The following TLN2 variants were observed in gnomAD, a reference collection of about 807,000 sequenced individuals.
TLN2 encodes the protein talin-2.
TLN2 carries 118 observed loss-of-function variants against 294.7 expected under a neutral mutation model. That is an observed-to-expected ratio of 0.40 (90% confidence interval 0.34 to 0.47). TLN2 has a LOEUF of 0.47. Among genes scored for constraint, TLN2 ranks in the 20% least tolerant of loss-of-function variants. The pLI is 0.84. For missense variants in TLN2, 3,083 were observed against 3,282.2 expected (o/e 0.94, Z 1.48); for synonymous variants, 1,431 against 1,304.5 (o/e 1.10, Z -2.09).
chr15:62,762,186 T>G, intron 38 of TLN2, 86 bp from the exon 39 acceptor site: 1 of 1,455,988 alleles, frequency 6.9e-7, no homozygotes, highest in Non-Finnish European at 9.5e-7. Flanking sequence ...AGGTGGTGAT[T>G]TGGCAAAGAA....
intron 1 of TLN2, among the ~76,000 whole-genome samples, chr15:62,516,963 A>G (rs540339671): frequency 1.1e-3 from 172 of 152,252 alleles, no homozygotes; most frequent in Non-Finnish European, 2.0e-3. Context: ...CTATCCAGTG[A>G]TGGGATTGTT....
chr15:62,760,960 C>A (rs1013133057), intron 37 of TLN2, among the ~76,000 whole-genome samples: 1 of 152,172 alleles, frequency 6.6e-6, no homozygotes, highest in Non-Finnish European at 1.5e-5. Flanking sequence ...ATGCTCTCTC[C>A]GGTCTTATCT....
chr15:62,497,632 A>G (rs115952137), intron 1 of TLN2, among the ~76,000 whole-genome samples: 55 of 152,328 alleles, frequency 3.6e-4, no homozygotes, highest in African/African-American at 1.2e-3. Context: ...GTTAGCCACA[A>G]ATGGCTCAGT....
intron 1 of TLN2, among the ~76,000 whole-genome samples, chr15:62,408,954 C>G (rs2033598348): frequency 6.6e-6 from 1 of 151,864 alleles, no homozygotes; most frequent in Admixed American, 6.6e-5. Context: ...GCCAGCATGC[C>G]TGGCCCTTAT....
At chr15:62,760,665 C>T (rs565829362) in intron 37 of TLN2, among the ~76,000 whole-genome samples, 8 of 152,120 alleles carry the variant, frequency 5.3e-5, no homozygotes, top group Non-Finnish European at 1.0e-4. Flanking sequence ...GGAACCTCAT[C>T]GAAGTGTTGA....
chr15:62,499,887 G>A (rs1289045849), intron 1 of TLN2, among the ~76,000 whole-genome samples: 2 of 152,022 alleles, frequency 1.3e-5, no homozygotes, highest in Admixed American at 1.3e-4. Flanking sequence ...ACAGGCATAA[G>A]CCACCGCTCC....
At chr15:62,661,133 G>T (rs1470001673) in intron 9 of TLN2, among the ~76,000 whole-genome samples, 2 of 152,102 alleles carry the variant, frequency 1.3e-5, no homozygotes, top group Admixed American at 6.5e-5. Context: ...AAACACTGTG[G>T]ATAACTTTAA....
intron 45 of TLN2, among the ~76,000 whole-genome samples, chr15:62,791,125 T>C (rs1396481886): frequency 1.3e-5 from 2 of 151,736 alleles, no homozygotes; most frequent in Non-Finnish European, 2.9e-5. Flanking sequence ...GGTGGACGGA[T>C]CACCTGAGGT....
Position 62,620,326 on chromosome 15 carries a change from T to C in TLN2, c.-37+1851T>C, listed in dbSNP as rs550604054. ...GCACCTTTCATTTTAATTTGGCCAA[T>C]ATATAAGCAAATTTACCAGCATCCT... On this transcript the variant is annotated intron_variant, in intron 3 of 58. Transcript: ENST00000636159. Among the ~76,000 whole-genome samples, 53 of 152,112 alleles carry C rather than the reference T, an allele frequency of 3.5e-4. 1 individual carries two copies. The highest frequency in any genetic ancestry group is 1.2e-3 in the African/African-American group (50 of 41,506).
intron 9 of TLN2, among the ~76,000 whole-genome samples, chr15:62,660,730 C>T (rs1038475907): frequency 1.7e-4 from 26 of 152,246 alleles, no homozygotes; most frequent in African/African-American, 6.0e-4. Flanking sequence ...TGGTGTTTTT[C>T]TTTAACTCAT....
intron 43 of TLN2, among the ~76,000 whole-genome samples, chr15:62,777,723 A>G (rs571228391): frequency 8.7e-4 from 133 of 152,270 alleles, no homozygotes; most frequent in African/African-American, 3.1e-3. Context: ...CTGAAATCGT[A>G]TATATGCAAA....
chr15:62,770,973 C>T lies in TLN2; in HGVS notation c.5206C>T (p.Leu1736=). Reference sequence around the variant, plus strand: ...TTTTTTTTTTTGAAAGGTGACACAACTGGCAAGCTATTTTGAGCCCTTGAT... The same window carrying T: ...TTTTTTTTTTTGAAAGGTGACACAATTGGCAAGCTATTTTGAGCCCTTGAT... ...AAQLGHKVTQ[L]ASYFEPLILA... The change falls in exon 42 of 59, where the codon CTG becomes TTG. Residue 1736 remains leucine (L), a synonymous_variant. Coordinates refer to ENST00000636159, the MANE Select transcript of TLN2 (RefSeq NM_015059.3). The T allele has an allele frequency of 6.4e-7, 1 of 1,556,570 alleles. No individual in the cohort carries two copies. The highest frequency in any genetic ancestry group is 8.6e-7 in the Non-Finnish European group (1 of 1,157,474).
intron 1 of TLN2, among the ~76,000 whole-genome samples, chr15:62,430,178 A>G (rs1490101415): frequency 6.6e-6 from 1 of 152,194 alleles, no homozygotes; most frequent in Non-Finnish European, 1.5e-5. Flanking sequence ...GTAAGCTAGC[A>G]TTTATTGGTG....
intron 1 of TLN2, among the ~76,000 whole-genome samples, chr15:62,582,246 A>ACACACACACCCCCCC (rs764248336): frequency 7.3e-6 from 1 of 137,240 alleles, no homozygotes; most frequent in African/African-American, 2.7e-5. Context: ...ACACACACAC[A>ACACACACACCCCCCC]CATTCATGCC....
At chr15:62,811,465 T>G (rs1435326142) in intron 52 of TLN2, among the ~76,000 whole-genome samples, 2 of 152,214 alleles carry the variant, frequency 1.3e-5, no homozygotes, top group South Asian at 4.1e-4. Flanking sequence ...TCCAAAGACC[T>G]CTTTTTCATT....
At chr15:62,594,646 A>G (rs1433659332) in intron 2 of TLN2, among the ~76,000 whole-genome samples, 4 of 152,234 alleles carry the variant, frequency 2.6e-5, no homozygotes, top group Non-Finnish European at 5.9e-5. Context: ...CATTATATAC[A>G]AAAATCAACT....
At chr15:62,432,691 G>T (rs2035073371) in intron 1 of TLN2, among the ~76,000 whole-genome samples, 1 of 152,174 alleles carries the variant, frequency 6.6e-6, no homozygotes, top group African/African-American at 2.4e-5. Context: ...TGCAGGAGGT[G>T]TTTTATGGAG....
At chr15:62,766,078 A>G (rs2062985333) in intron 40 of TLN2, among the ~76,000 whole-genome samples, 1 of 152,212 alleles carries the variant, frequency 6.6e-6, no homozygotes, top group Non-Finnish European at 1.5e-5. Context: ...ATCAGTTGTC[A>G]GGGTTGACAG....
At chr15:62,694,530 A>G (rs777522103) in intron 14 of TLN2, 138 bp downstream of exon 14, 3 of 676,156 alleles carry the variant, frequency 4.4e-6, no homozygotes, top group African/African-American at 3.6e-5. Flanking sequence ...ATCTTCTTCA[A>G]GCGTGGTCCC....
Sources: gnomAD v4.1 joint callset for allele counts (sites outside exome capture counted in the v4.1 genomes callset) on GRCh38, gnomAD v4.1.1 for gene constraint, MANE v1.5 for transcripts, NCBI Gene and HGNC (gene_info 2026-07-23, HGNC 2026-07-21) for gene names.